SP100: variants seen among roughly 807,000 people sequenced by gnomAD.
The protein encoded by SP100 is SP100 nuclear body protein, also known as nuclear autoantigen Sp-100.
Under a neutral mutation model 130.0 loss-of-function variants are expected in SP100, and 84 were observed. The observed-to-expected ratio is 0.65, with a 90% CI of 0.54 to 0.77. The LOEUF (loss-of-function observed/expected upper bound fraction) is 0.77, where lower values mean the gene tolerates loss of function less well. SP100 is among the 30% of genes least tolerant of loss of function. SP100 has a pLI of 0.00. For missense variants in SP100, 978 were observed against 1,052.2 expected (o/e 0.93, Z 0.97); for synonymous variants, 331 against 351.7 (o/e 0.94, Z 0.66).
intron 2 of SP100, among the ~76,000 whole-genome samples, chr2:230,419,234 A>T (rs1481035953): frequency 6.6e-6 from 1 of 152,238 alleles, no homozygotes; most frequent in African/African-American, 2.4e-5. Context: ...GTCCAAAAAC[A>T]TTAAATGCAA....
intron 11 of SP100, among the ~76,000 whole-genome samples, chr2:230,464,593 C>T (rs1002152506): frequency 6.7e-6 from 1 of 148,412 alleles, no homozygotes; most frequent in African/African-American, 2.4e-5. Flanking sequence ...CTTTGTGCTG[C>T]TATTTAATTA....
intron 24 of SP100, among the ~76,000 whole-genome samples, chr2:230,516,761 GTCAAAAACTTAGAA>G (rs1390111886): frequency 1.3e-5 from 2 of 152,136 alleles, no homozygotes; most frequent in African/African-American, 4.8e-5. Flanking sequence ...AACTGTGGAT[GTCAAAAACTTAGAA>G]TAGCCATGGT....
intron 2 of SP100, 74 bp from the exon 3 acceptor site, chr2:230,442,863 T>A: frequency 7.7e-7 from 1 of 1,292,404 alleles, no homozygotes. Flanking sequence ...GTCCTTTATA[T>A]GTAAACTCTT....
At chr2:230,520,447 C>T (rs1691119127) in intron 24 of SP100, 1 of 152,184 alleles carries the variant, frequency 6.6e-6, no homozygotes, top group East Asian at 1.9e-4. Context: ...AAACTCCTGT[C>T]TAGCCAAGGA....
At chr2:230,508,310 A>AAAT in intron 23 of SP100, 4 of 129,146 alleles carry the variant, frequency 3.1e-5, no homozygotes, top group East Asian at 1.0e-4. Flanking sequence ...TAAATGCCAT[A>AAAT]CTTTTTTTTT....
At chr2:230,420,182 T>C (rs1375932483) in intron 2 of SP100, among the ~76,000 whole-genome samples, 1 of 152,244 alleles carries the variant, frequency 6.6e-6, no homozygotes, top group African/African-American at 2.4e-5. Context: ...TTTTACATTT[T>C]CTAGTTATTT....
intron 2 of SP100, among the ~76,000 whole-genome samples, chr2:230,420,101 T>G (rs1025288216): frequency 1.3e-5 from 2 of 152,238 alleles, no homozygotes; most frequent in Non-Finnish European, 2.9e-5. Flanking sequence ...TTGTTTGAAC[T>G]TGGGACCTTG....
intron 8 of SP100, among the ~76,000 whole-genome samples, chr2:230,452,926 C>CTTTTA (rs1283681644): frequency 6.6e-6 from 1 of 151,240 alleles, no homozygotes; most frequent in Non-Finnish European, 1.5e-5. Flanking sequence ...ATTTGAATGC[C>CTTTTA]TTTTATTTCT....
chr2:230,483,441 C>T (rs1014755400), intron 17 of SP100, among the ~76,000 whole-genome samples: 1 of 151,982 alleles, frequency 6.6e-6, no homozygotes, highest in African/African-American at 2.4e-5. Flanking sequence ...AGGGGTTGGG[C>T]GGGAAGTGGT....
At chr2:230,454,716 T>C (rs2064181360) in intron 8 of SP100, among the ~76,000 whole-genome samples, 1 of 152,202 alleles carries the variant, frequency 6.6e-6, no homozygotes, top group South Asian at 2.1e-4. Context: ...TGATGTATCC[T>C]GTAGAATGTC....
At chr2:230,466,192 A>AAAAAAC in intron 11 of SP100, 109 bp from the exon 12 acceptor site, 1 of 566,062 alleles carries the variant, frequency 1.8e-6, no homozygotes, top group Non-Finnish European at 3.2e-6. Context: ...CTCAAAAAAA[A>AAAAAAC]AAAAAAAAAA....
At chr2:230,493,677 A>T (rs1012020124) in intron 17 of SP100, 1 of 151,110 alleles carries the variant, frequency 6.6e-6, no homozygotes, top group African/African-American at 2.4e-5. Context: ...TTATTTCTTA[A>T]GTTCTGGCTG....
Position 230,444,131 on chromosome 2 carries a change from G to A in SP100, c.271-47G>A, listed in dbSNP as rs772047335. On this transcript the variant is annotated intron_variant, in intron 3 of 28. Transcript: ENST00000340126. ...GAATTCCTTTCTAGAGCTCTTCTGT[G>A]ACTTGGAAGTCTTTATTTATATTTT... is the stretch of plus-strand genomic sequence containing the variant. 10 of 1,359,610 alleles carry A rather than the reference G, an allele frequency of 7.4e-6. No individual in the cohort carries two copies. The South Asian group carries it at 1.3e-4, about 17-fold the overall frequency. The allele number at this position is 1,359,610 out of a possible 1,614,324, so 84.2% of individuals were successfully genotyped here. A position where few individuals can be genotyped will look rare whatever the true frequency, so the allele number is the denominator to read the frequency against.
chr2:230,541,151 A>C, intron 26 of SP100, 150 bp from the exon 27 acceptor site: 5 of 1,246,592 alleles, frequency 4.0e-6, no homozygotes, highest in Non-Finnish European at 5.6e-6. Context: ...TTCATATTCC[A>C]AAGAAAAATC....
rs1161322822 is a variant in SP100, at chr2:230,467,192, T to G, written c.1268T>G (p.Leu423Arg). The change falls in exon 13 of 29, where the codon CTG (leucine) becomes CGG (arginine). Residue 423 changes from leucine (L) to arginine (R), a missense_variant. Leu to Arg is a moderately radical substitution (Grantham distance 102). Transcript: ENST00000340126. Reference protein sequence around the residue: ...EAPAEASSGALRSKHGEKAPM... With the variant: ...EAPAEASSGARRSKHGEKAPM... ...CCCGCAGAAGCCTCGAGCGGGGCAC[T>G]GAGAAGCAAGCATGGTGAGAAGGGT... 1.7e-5 allele frequency: 28 copies of G among 1,613,700 alleles called. No homozygotes were observed. Among genetic ancestry groups the G allele is most frequent in the Non-Finnish European group, 2.2e-5 (26 of 1,179,642 alleles).
At chr2:230,422,969 C>T (rs774097906) in intron 2 of SP100, among the ~76,000 whole-genome samples, 1 of 152,132 alleles carries the variant, frequency 6.6e-6, no homozygotes, top group East Asian at 1.9e-4. Flanking sequence ...GATAGCAGAA[C>T]TATAGCAGCC....
intron 24 of SP100, among the ~76,000 whole-genome samples, chr2:230,518,429 A>G (rs1010292017): frequency 2.6e-5 from 4 of 151,940 alleles, no homozygotes; most frequent in Admixed American, 6.6e-5. Flanking sequence ...AACCTAGGAA[A>G]TAAGAAATCT....
chr2:230,445,002 A>G (rs1364274851), intron 4 of SP100, among the ~76,000 whole-genome samples: 2 of 152,216 alleles, frequency 1.3e-5, no homozygotes, highest in Admixed American at 6.5e-5. Context: ...ATGAGCAAGA[A>G]AGTTAACCCT....
At chr2:230,426,275 C>T (rs1415803253) in intron 2 of SP100, among the ~76,000 whole-genome samples, 1 of 152,164 alleles carries the variant, frequency 6.6e-6, no homozygotes, top group East Asian at 1.9e-4. Context: ...TTATTTTCTC[C>T]CTTCTGCTGC....
Sources: allele counts gnomAD v4.1 joint callset (sites outside exome capture counted in the v4.1 genomes callset), GRCh38; gene constraint gnomAD v4.1.1; transcripts MANE v1.5; gene names NCBI Gene and HGNC (gene_info 2026-07-23, HGNC 2026-07-21).